The following NT5DC2 variants were observed in gnomAD, a reference collection of about 807,000 sequenced individuals.
The protein encoded by NT5DC2 is 5'-nucleotidase domain-containing protein 2.
A neutral mutation model predicts 70.0 loss-of-function variants in NT5DC2; 41 were observed. That is an observed-to-expected ratio of 0.59 (90% CI 0.46 to 0.76). The LOEUF is 0.76. Ranked by LOEUF, NT5DC2 falls within the 30% of genes least tolerant of loss-of-function variation. The probability of loss-of-function intolerance (pLI) is 0.00; values close to 1 mark genes in which losing one functional copy is unlikely to be tolerated. For missense variants in NT5DC2, 705 were observed against 783.2 expected, an observed-to-expected ratio of 0.90 and a Z score of 1.19; for synonymous variants, 299 against 310.4, an observed-to-expected ratio of 0.96 and a Z score of 0.39.
upstream of NT5DC2, chr3:52,534,594 C>G: frequency 6.2e-7 from 1 of 1,613,922 alleles, no homozygotes; most frequent in Non-Finnish European, 8.5e-7. Flanking sequence ...TTTCTAGCAA[C>G]GTCGACAGGC....
In NT5DC2 at chr3:52,524,970, C is replaced by G; in HGVS notation, c.1340G>C (p.Arg447Pro). 6.2e-7 allele frequency: 1 copy of G among 1,611,650 alleles called. No homozygotes were observed. Among genetic ancestry groups the G allele is most frequent in the African/African-American group, 1.3e-5 (1 of 75,028 alleles). Residue 447 changes from arginine to proline, a missense_variant, in exon 12 of 14, where the codon CGC becomes CCC. By Grantham distance (103) the Arg-to-Pro change is moderately radical (BLOSUM62 -2). Transcript: ENST00000422318. ...AGCCACCCCGGCCCACACCTGCATG[C>G]GCTCCAGCAGCCCCGTGAGCGCCTG... ...WQQALTGLLE[R>P]MQTYQDAESR... is the part of the protein sequence containing the mutation.
rs1011683682 is a variant in NT5DC2, at chr3:52,529,876, T to C, written c.233-542A>G. 1.2e-5 allele frequency: 2 copies of C among 164,378 alleles called. 1 individual carries two copies. Among genetic ancestry groups the C allele is most frequent in the South Asian group, 3.2e-4 (2 of 6,318 alleles). The allele number at this position is 164,378 out of a possible 1,614,324, so 10.2% of individuals were successfully genotyped here. ...TCATCTCTCAGCCTCCCTGGGATTA[T>C]GTGTGAGGATACCATGTGGGCACTG... On this transcript the variant is annotated intron_variant, in intron 1 of 13. Transcript: ENST00000422318. This position sits in a 1 kb window ranked among gnomAD's most constrained non-coding sequence, Gnocchi z 4.1.
rs1236225370 is a variant in NT5DC2 at position 52,524,629 on chromosome 3, G to A, written c.1515C>T (p.Leu505=). 6.2e-7 allele frequency: 1 copy of A among 1,613,176 alleles called. No homozygotes were observed. The highest frequency in any genetic ancestry group is 8.5e-7 in the Non-Finnish European group (1 of 1,180,034). Residue 505 remains leucine, a synonymous_variant, in exon 14 of 14, where the codon CTC becomes CTT. Coordinates refer to ENST00000422318, the MANE Select transcript of NT5DC2 (RefSeq NM_001134231.2). ...FSRRLVRFSD[L]YMASLSCLLN... is the part of the protein sequence containing the mutation. ...GCAGGCAGCTGAGGGAGGCCATGTA[G>A]AGGTCAGAGAAGCGCACGAGGCGCC...
In NT5DC2 at chr3:52,528,911, C is replaced by A; in HGVS notation, c.442G>T (p.Asp148Tyr). ...CGGATGGCAAAGCTGGGGTTGTAGT[C>A]ATACTTCCGAATCCCTTCTGGGTAC... The part of the protein sequence containing the change: ...YKYPEGIRKY[D>Y]YNPSFAIRGL... Residue 148 changes from aspartate (D) to tyrosine (Y), a missense_variant, in exon 3 of 14, where the codon GAC becomes TAC. Physicochemically the swap from Asp to Tyr is radical, Grantham distance 160 (BLOSUM62 -3). Transcript: ENST00000422318. 6.2e-7 allele frequency: 1 copy of A among 1,614,074 alleles called. No homozygotes were observed. Among genetic ancestry groups the A allele is most frequent in the South Asian group, 1.1e-5 (1 of 91,074 alleles).
At chr3:52,534,010 C>A (rs555216056), upstream of NT5DC2, 263 of 257,302 alleles carry the variant, frequency 1.0e-3, 1 homozygote, top group Non-Finnish European at 1.6e-3. Flanking sequence ...GGACTCTGCG[C>A]CCCCCTTCGG....
At chr3:52,533,163 G>A (rs919027506) in intron 1 of NT5DC2, among the ~76,000 whole-genome samples, 2 of 152,120 alleles carry the variant, frequency 1.3e-5, no homozygotes, top group Non-Finnish European at 2.9e-5. Context: ...GGTTGGCCGA[G>A]AACAAGGGGT....
At chr3:52,534,498 G>T (rs1480275780), upstream of NT5DC2, 11 of 1,612,318 alleles carry the variant, frequency 6.8e-6, no homozygotes, top group South Asian at 9.9e-5. Flanking sequence ...CACTGCGCCC[G>T]CTTGGTTCGG....
chr3:52,534,394 G>T, upstream of NT5DC2: 1 of 1,414,506 alleles, frequency 7.1e-7, no homozygotes, highest in Non-Finnish European at 9.8e-7. Context: ...CCCGGTGCCA[G>T]GCCCACGCTG....
At chr3:52,526,244 C>G (rs553820106) in intron 10 of NT5DC2, 2 of 152,426 alleles carry the variant, frequency 1.3e-5, no homozygotes, top group African/African-American at 2.4e-5. Flanking sequence ...CACCTGGGCC[C>G]GAGGGCTGTG....
In NT5DC2 at chr3:52,527,299, G is replaced by A. The variant is rs748000426; in HGVS notation, c.1114C>T (p.Arg372Trp). ...TCTCCCCAGATGGCCCTTACCTGCCGATAGATCTTGCCCTTTTCCAAGCGG... is the reference window on the plus strand; with the variant it reads ...TCTCCCCAGATGGCCCTTACCTGCCAATAGATCTTGCCCTTTTCCAAGCGG... ...ITRLEKGKIY[R>W]QGNLFDFLRL... Residue 372 changes from arginine to tryptophan, a missense_variant, in exon 10 of 14, where the codon CGG becomes TGG. Physicochemically the swap from Arg to Trp is moderately radical, Grantham distance 101 (BLOSUM62 -3). Coordinates refer to ENST00000422318, the MANE Select transcript of NT5DC2 (RefSeq NM_001134231.2). 5.0e-6 allele frequency: 8 copies of A among 1,613,986 alleles called. No homozygotes were observed. The highest frequency in any genetic ancestry group is 2.2e-5 in the South Asian group (2 of 91,092).
Position 52,531,958 on chromosome 3 carries a change from C to G in NT5DC2, c.232+1548G>C, listed in dbSNP as rs939486774. Reference sequence around the variant, plus strand: ...CTCCAAACCACCCAGTAACAGGCACCGGGGTTGAGATCACCATTCAAGTCA... The same window carrying G: ...CTCCAAACCACCCAGTAACAGGCACGGGGGTTGAGATCACCATTCAAGTCA... On this transcript the variant is annotated intron_variant, in intron 1 of 13. Coordinates refer to ENST00000422318, the MANE Select transcript of NT5DC2 (RefSeq NM_001134231.2). This position sits in a 1 kb window ranked among gnomAD's most constrained non-coding sequence, Gnocchi z 4.1. Among the ~76,000 whole-genome samples, 6 of 152,130 alleles carry G rather than the reference C, an allele frequency of 3.9e-5. No individual in the cohort carries two copies. Among genetic ancestry groups the G allele is most frequent in the Non-Finnish European group, 8.8e-5 (6 of 68,026 alleles).
Position 52,528,063 on chromosome 3 carries a change from C to T in NT5DC2, c.782G>A (p.Arg261Gln), listed in dbSNP as rs374478667. ...HLYKDVTDAI[R>Q]DVHVKGLMYQ... ...CATGAGGCCCTTCACATGCACGTCT[C>T]GGATGGCGTCCTGGGGGCAGTGGAG... The change falls in exon 7 of 14, where the codon CGA becomes CAA. Residue 261 changes from arginine (R) to glutamine (Q), a missense_variant. Arg to Gln is a conservative substitution (Grantham distance 43, BLOSUM62 1). Coordinates refer to ENST00000422318, the MANE Select transcript of NT5DC2 (RefSeq NM_001134231.2). 2.3e-5 allele frequency: 37 copies of T among 1,612,194 alleles called. No homozygotes were observed. Among genetic ancestry groups the T allele is most frequent in the South Asian group, 2.2e-4 (20 of 90,946 alleles).
intron 1 of NT5DC2, chr3:52,532,334 G>C (rs545239523): frequency 1.7e-4 from 168 of 985,342 alleles, no homozygotes; most frequent in African/African-American, 1.9e-4. Flanking sequence ...GGTCTTCTCC[G>C]GGCCCAGAGC....
At chr3:52,527,229 C>T in intron 10 of NT5DC2, 65 bp downstream of exon 10, 1 of 1,490,728 alleles carries the variant, frequency 6.7e-7, no homozygotes, top group Non-Finnish European at 9.3e-7. Context: ...TGCCTCTGCA[C>T]AGCCTGGGGC....
At position 52,527,840 on chromosome 3, in the gene NT5DC2, A is replaced by G. The variant is rs2079300990; in HGVS notation, c.924T>C (p.Pro308=). The part of the protein sequence containing the change: ...GKQLFLITNS[P]FSFVDKGMRH... ...GGGGCTGGACTCACACGAAGCTGAA[A>G]GGACTGTTGGTGATGAGGAACAGCT... The change falls in exon 8 of 14, where the codon CCT becomes CCC. Residue 308 remains proline (P), a synonymous_variant. Transcript: ENST00000422318. 20 of 1,613,250 alleles carry G rather than the reference A, an allele frequency of 1.2e-5. No individual in the cohort carries two copies. Among genetic ancestry groups the G allele is most frequent in the Non-Finnish European group, 1.6e-5 (19 of 1,180,018 alleles).
intron 10 of NT5DC2, chr3:52,526,366 G>GT (rs2079271917): frequency 6.6e-6 from 1 of 152,206 alleles, no homozygotes; most frequent in Non-Finnish European, 1.5e-5. Flanking sequence ...TGCTCCCCTG[G>GT]CCAGCTGCTG....
At position 52,527,670 on chromosome 3, in the gene NT5DC2, G is replaced by A. The variant is rs773785330; in HGVS notation, c.984C>T (p.Phe328=). The change falls in exon 9 of 14, where the codon TTC becomes TTT. Residue 328 remains phenylalanine (F), a synonymous_variant. Coordinates refer to ENST00000422318, the MANE Select transcript of NT5DC2 (RefSeq NM_001134231.2). The stretch of plus-strand genomic sequence containing the variant: ...TGTCTGCCTGGACAATGACCACATC[G>A]AAGAGCTGGCGCCAATCGGGACCCA... ...HMVGPDWRQL[F]DVVIVQADKP... 7 of 1,613,094 alleles carry A rather than the reference G, an allele frequency of 4.3e-6. No individual in the cohort carries two copies. The highest frequency in any genetic ancestry group is 3.3e-5 in the South Asian group (3 of 91,086).
In NT5DC2 at chr3:52,531,959, G is replaced by A. The variant is rs1056775272; in HGVS notation, c.232+1547C>T. On this transcript the variant is annotated intron_variant, in intron 1 of 13. Coordinates refer to ENST00000422318, the MANE Select transcript of NT5DC2 (RefSeq NM_001134231.2). The surrounding 1 kb of genome is among the most constrained non-coding windows in gnomAD (Gnocchi z 4.1). Reference sequence around the variant, plus strand: ...TCCAAACCACCCAGTAACAGGCACCGGGGTTGAGATCACCATTCAAGTCAC... The same window carrying A: ...TCCAAACCACCCAGTAACAGGCACCAGGGTTGAGATCACCATTCAAGTCAC... Among the ~76,000 whole-genome samples, 1 of 152,154 alleles carries A rather than the reference G, an allele frequency of 6.6e-6. No individual in the cohort carries two copies. Among genetic ancestry groups the A allele is most frequent in the Admixed American group, 6.5e-5 (1 of 15,280 alleles).
intron 1 of NT5DC2, 68 bp downstream of exon 1, chr3:52,533,438 G>T: frequency 1.4e-6 from 2 of 1,432,124 alleles, no homozygotes. Context: ...GCGGCACCCT[G>T]GGGCTCGGTC....
Sources: allele counts gnomAD v4.1 joint callset (sites outside exome capture counted in the v4.1 genomes callset), GRCh38; gene constraint gnomAD v4.1.1; non-coding constraint Gnocchi (gnomAD v3.1); transcripts MANE v1.5; gene names NCBI Gene and HGNC (gene_info 2026-07-23, HGNC 2026-07-21).